The following STK32C variants were observed in gnomAD, a reference collection of about 807,000 sequenced individuals.
STK32C encodes the protein serine/threonine kinase 32C, also known as serine/threonine-protein kinase 32C.
STK32C carries 31 observed loss-of-function variants against 56.5 expected under a neutral mutation model. The ratio of observed to expected loss-of-function variants is 0.55; its 90% confidence interval spans 0.41 to 0.74. The LOEUF is 0.74. STK32C is among the 30% of genes least tolerant of loss of function. The pLI is 0.00. For missense variants in STK32C, 544 were observed against 676.9 expected (o/e 0.80, Z 2.18); for synonymous variants, 309 against 289.4 (o/e 1.07, Z -0.69).
chr10:132,300,283 T>A (rs2065874084), intron 1 of STK32C, among the ~76,000 whole-genome samples: 1 of 152,190 alleles, frequency 6.6e-6, no homozygotes, highest in South Asian at 2.1e-4. Context: ...ACCTACACCA[T>A]CTCCTTGGCT....
chr10:132,248,680 C>G (rs1000725505), intron 1 of STK32C, among the ~76,000 whole-genome samples: 5 of 152,238 alleles, frequency 3.3e-5, no homozygotes, highest in African/African-American at 1.2e-4. Flanking sequence ...CCACATGGCA[C>G]CTGCTGTGCC....
intron 1 of STK32C, among the ~76,000 whole-genome samples, chr10:132,287,627 A>AT (rs2065446803): frequency 1.3e-5 from 2 of 151,676 alleles, no homozygotes; most frequent in Admixed American, 1.3e-4. Flanking sequence ...AATTTTTGTG[A>AT]TTTTTAGTAG....
At chr10:132,281,910 A>G (rs975228536) in intron 1 of STK32C, among the ~76,000 whole-genome samples, 2 of 151,886 alleles carry the variant, frequency 1.3e-5, no homozygotes, top group African/African-American at 4.8e-5. Context: ...TCTGGGGGGA[A>G]GAGAGCTCCT....
At chr10:132,278,906 C>T (rs994748963) in intron 1 of STK32C, among the ~76,000 whole-genome samples, 1 of 152,096 alleles carries the variant, frequency 6.6e-6, no homozygotes, top group African/African-American at 2.4e-5. Context: ...GCAGAGGCCA[C>T]GAGGGCCACT....
At chr10:132,218,359 T>C (rs1268859759) in intron 10 of STK32C, among the ~76,000 whole-genome samples, 2 of 152,140 alleles carry the variant, frequency 1.3e-5, no homozygotes, top group African/African-American at 4.8e-5. Context: ...AATTAAAATA[T>C]ATTGTCAGAG....
intron 1 of STK32C, among the ~76,000 whole-genome samples, chr10:132,306,565 T>C (rs2066070341): frequency 6.6e-6 from 1 of 152,244 alleles, no homozygotes; most frequent in African/African-American, 2.4e-5. Context: ...GTCGTATTAC[T>C]GTAATTTCCC....
intron 1 of STK32C, among the ~76,000 whole-genome samples, chr10:132,331,200 CAA>C (rs35734065): frequency 0.17 from 9,432 of 55,902 alleles, 450 homozygotes; most frequent in African/African-American, 0.31. Context: ...GACTCCACCT[CAA>C]AAAAAAAAAA....
chr10:132,272,982 C>T (rs1475770602), intron 1 of STK32C, among the ~76,000 whole-genome samples: 1 of 152,200 alleles, frequency 6.6e-6, no homozygotes, highest in African/African-American at 2.4e-5. Context: ...GAGCCCTCTT[C>T]CCCAGAGCCG....
intron 10 of STK32C, among the ~76,000 whole-genome samples, chr10:132,215,583 C>A (rs1042676195): frequency 6.6e-6 from 1 of 151,718 alleles, no homozygotes; most frequent in Non-Finnish European, 1.5e-5. Flanking sequence ...GATTGTGAGG[C>A]CTCCCCAGCC....
At position 132,225,657 on chromosome 10, in the gene STK32C, A is replaced by G. The variant is rs200776513; in HGVS notation, c.683-41T>C. On this transcript the variant is annotated intron_variant, in intron 5 of 11. Transcript: ENST00000298630. ...TCAGGTGTGGCTGTCCCAGGACCAGAGATGCATCCTTGCGTGCAGGATCCT... is the reference window on the plus strand; with the variant it reads ...TCAGGTGTGGCTGTCCCAGGACCAGGGATGCATCCTTGCGTGCAGGATCCT... The G allele has an allele frequency of 9.6e-5, 155 of 1,608,728 alleles. 1 individual carries two copies. The highest frequency in any genetic ancestry group is 8.0e-4 in the East Asian group (36 of 44,744).
At chr10:132,298,595 G>GGGGA (rs745819079) in intron 1 of STK32C, among the ~76,000 whole-genome samples, 27 of 152,238 alleles carry the variant, frequency 1.8e-4, no homozygotes, top group Non-Finnish European at 3.1e-4. Context: ...TCAGCTCACT[G>GGGGA]GGGAGGGAGG....
intron 1 of STK32C, among the ~76,000 whole-genome samples, chr10:132,272,175 G>A (rs2064849303): frequency 6.6e-6 from 1 of 152,212 alleles, no homozygotes; most frequent in African/African-American, 2.4e-5. Context: ...GTTGGTTAAG[G>A]TGAAGCAAGG....
intron 1 of STK32C, among the ~76,000 whole-genome samples, chr10:132,300,609 C>T (rs2065884238): frequency 6.6e-6 from 1 of 152,244 alleles, no homozygotes; most frequent in South Asian, 2.1e-4. Context: ...TAGCTTTCCC[C>T]AAACTGTCTC....
chr10:132,219,859 C>G (rs896631227), intron 10 of STK32C, among the ~76,000 whole-genome samples: 5 of 152,156 alleles, frequency 3.3e-5, no homozygotes, highest in African/African-American at 9.7e-5. Context: ...ACAGGGCCCA[C>G]CAGGTCTGAG....
At chr10:132,228,522 AACAG>A (rs2062977577) in intron 2 of STK32C, among the ~76,000 whole-genome samples, 2 of 152,210 alleles carry the variant, frequency 1.3e-5, no homozygotes, top group African/African-American at 4.8e-5. Flanking sequence ...GCTATCTGCA[AACAG>A]ACAGGGTCCA....
At chr10:132,321,760 G>C (rs1204880687), downstream of STK32C, among the ~76,000 whole-genome samples, 1 of 152,194 alleles carries the variant, frequency 6.6e-6, no homozygotes, top group African/African-American at 2.4e-5. Flanking sequence ...GGGAGGCGGA[G>C]GGTTGGTCAT....
intron 1 of STK32C, among the ~76,000 whole-genome samples, chr10:132,280,370 TCCGTGATCACGACACTCCACC>T (rs1367324456): frequency 2.9e-5 from 4 of 139,542 alleles, no homozygotes; most frequent in East Asian, 2.2e-4. Flanking sequence ...GCCCCTGCAC[TCCGTGATCACGACACTCCACC>T]CCGTGATCAC....
At chr10:132,267,692 TGCA>T (rs2064609099) in intron 1 of STK32C, among the ~76,000 whole-genome samples, 1 of 138,548 alleles carries the variant, frequency 7.2e-6, no homozygotes, top group African/African-American at 2.8e-5. Context: ...TGCATGTGCA[TGCA>T]GGTTCAGCTC....
At chr10:132,289,635 G>A (rs2065508088) in intron 1 of STK32C, among the ~76,000 whole-genome samples, 2 of 152,208 alleles carry the variant, frequency 1.3e-5, no homozygotes, top group South Asian at 2.1e-4. Flanking sequence ...AGCACCGGAA[G>A]ACTCAGTGTC....
Sources: gnomAD v4.1 joint callset for allele counts (sites outside exome capture counted in the v4.1 genomes callset) on GRCh38, gnomAD v4.1.1 for gene constraint, MANE v1.5 for transcripts, NCBI Gene and HGNC (gene_info 2026-07-23, HGNC 2026-07-21) for gene names.